GPC5: variants seen among roughly 807,000 people sequenced by gnomAD.
GPC5 encodes glypican 5, also known as glypican-5.
Under a neutral mutation model 53.9 loss-of-function variants are expected in GPC5, and 47 were observed. The ratio of observed to expected loss-of-function variants is 0.87; its 90% CI spans 0.69 to 1.11. The LOEUF is 1.11. Ranked by LOEUF, GPC5 falls within the 50% of genes most tolerant of loss-of-function variation. GPC5 has a pLI of 0.00. For synonymous variants in GPC5, 286 were observed against 263.3 expected, an observed-to-expected ratio of 1.09 and a Z score of -0.84; for missense variants, 748 against 713.1, an observed-to-expected ratio of 1.05 and a Z score of -0.56.
At position 92,771,662 on chromosome 13, in the gene GPC5, G is replaced by A. The variant is rs113671332; in HGVS notation, c.1562-94620G>A. On this transcript the variant is annotated intron_variant, in intron 7 of 7. Coordinates refer to ENST00000377067, the MANE Select transcript of GPC5 (RefSeq NM_004466.6). ...CCCGCCCTTATCCAGTTTTTCTAAG[G>A]AGTTAATTATCACAAAGATACCTCT... 6.9e-3 allele frequency among the ~76,000 whole-genome samples: 1,050 copies of A among 152,090 alleles called. 8 individuals are homozygous for A. Among genetic ancestry groups the A allele is most frequent in the African/African-American group, 0.022 (920 of 41,498 alleles).
chr13:91,718,022 C>T lies in GPC5; in HGVS notation c.1021-10510C>T, dbSNP rs146950902. Reference sequence around the variant, plus strand: ...CTTTTTCAATGTAGGATTCTTACACCCACTGATAAATGAAATGGTCAAATT... The same window carrying T: ...CTTTTTCAATGTAGGATTCTTACACTCACTGATAAATGAAATGGTCAAATT... On this transcript the variant is annotated intron_variant, in intron 3 of 7. Transcript: ENST00000377067. Among the ~76,000 whole-genome samples, 61 of 152,076 alleles carry T rather than the reference C, an allele frequency of 4.0e-4. 1 individual carries two copies. Among genetic ancestry groups the T allele is most frequent in the African/African-American group, 1.3e-3 (54 of 41,484 alleles).
chr13:91,672,372 G>A (rs1296889442), intron 2 of GPC5, among the ~76,000 whole-genome samples: 2 of 152,054 alleles, frequency 1.3e-5, no homozygotes, highest in Admixed American at 6.5e-5. Context: ...AATTTACAAG[G>A]AACTTAAACA....
At chr13:92,764,272 G>A (rs1313972334) in intron 7 of GPC5, among the ~76,000 whole-genome samples, 1 of 152,200 alleles carries the variant, frequency 6.6e-6, no homozygotes, top group Non-Finnish European at 1.5e-5. Context: ...TGGCTATCAG[G>A]CAGAGGTAGT....
chr13:92,555,340 G>A (rs557774687), intron 7 of GPC5, among the ~76,000 whole-genome samples: 9 of 151,446 alleles, frequency 5.9e-5, no homozygotes, highest in South Asian at 2.1e-4. Flanking sequence ...AGAAATCCTC[G>A]TTGAAATATA....
chr13:91,683,427 G>A (rs1394271061), intron 2 of GPC5, among the ~76,000 whole-genome samples: 1 of 152,148 alleles, frequency 6.6e-6, no homozygotes, highest in African/African-American at 2.4e-5. Flanking sequence ...TGCTACAGCA[G>A]CAACAGGAAA....
At chr13:92,519,547 GAA>G (rs1340433974) in intron 7 of GPC5, among the ~76,000 whole-genome samples, 1 of 152,218 alleles carries the variant, frequency 6.6e-6, no homozygotes, top group Non-Finnish European at 1.5e-5. Flanking sequence ...ATAATGAAAT[GAA>G]GGCAGAAATA....
At chr13:91,440,539 G>T (rs1171380358) in intron 1 of GPC5, among the ~76,000 whole-genome samples, 2 of 152,142 alleles carry the variant, frequency 1.3e-5, no homozygotes, top group African/African-American at 4.8e-5. Context: ...AGTTGTAATA[G>T]CTACTTTGAA....
Position 92,859,179 on chromosome 13 carries a change from T to C in GPC5, c.1562-7103T>C, listed in dbSNP as rs558046205. ...CAAGAGGATTGCTTGAGCCCAGGAG[T>C]TCTAGACTGCAGTGAGCTATGATGG... On this transcript the variant is annotated intron_variant, in intron 7 of 7. Transcript: ENST00000377067. Among the ~76,000 whole-genome samples the C allele has an allele frequency of 3.9e-5, 6 of 152,134 alleles. No homozygotes were observed. The East Asian group carries it at 1.2e-3, about 29-fold the overall frequency.
At chr13:91,450,396 GAT>G (rs1386767599) in intron 2 of GPC5, among the ~76,000 whole-genome samples, 1 of 152,130 alleles carries the variant, frequency 6.6e-6, no homozygotes, top group African/African-American at 2.4e-5. Flanking sequence ...CCACGCAGTG[GAT>G]ATATCAGTCT....
intron 5 of GPC5, among the ~76,000 whole-genome samples, chr13:91,879,210 C>T (rs1276002219): frequency 2.0e-5 from 3 of 152,094 alleles, no homozygotes; most frequent in African/African-American, 7.2e-5. Flanking sequence ...TATAGGTATA[C>T]AGTACCATGG....
chr13:92,396,232 T>G (rs1875263057), intron 7 of GPC5, among the ~76,000 whole-genome samples: 2 of 152,158 alleles, frequency 1.3e-5, no homozygotes, highest in East Asian at 3.9e-4. Flanking sequence ...GCTCACTGAT[T>G]CTTTCCTCAT....
At chr13:91,554,757 TC>T (rs2030848135) in intron 2 of GPC5, among the ~76,000 whole-genome samples, 1 of 152,074 alleles carries the variant, frequency 6.6e-6, no homozygotes, top group East Asian at 1.9e-4. Flanking sequence ...ATGTAACCTC[TC>T]CGTGGTGTTG....
intron 7 of GPC5, among the ~76,000 whole-genome samples, chr13:92,358,965 G>T (rs1396614949): frequency 1.3e-5 from 2 of 151,478 alleles, no homozygotes; most frequent in East Asian, 1.9e-4. Context: ...GCAAATTTCT[G>T]CAGCTGGCTT....
At chr13:91,847,044 C>A (rs2038857626) in intron 5 of GPC5, among the ~76,000 whole-genome samples, 1 of 151,480 alleles carries the variant, frequency 6.6e-6, no homozygotes, top group Non-Finnish European at 1.5e-5. Context: ...ACAGTGAAAC[C>A]CCGTCTCTAC....
At chr13:92,716,193 A>G (rs1566381048) in intron 7 of GPC5, among the ~76,000 whole-genome samples, 1 of 152,144 alleles carries the variant, frequency 6.6e-6, no homozygotes, top group Non-Finnish European at 1.5e-5. Flanking sequence ...GCTAATAATA[A>G]CAGTAACAAA....
chr13:91,875,303 A>C (rs781217827), intron 5 of GPC5, among the ~76,000 whole-genome samples: 2 of 152,180 alleles, frequency 1.3e-5, no homozygotes, highest in Non-Finnish European at 2.9e-5. Context: ...CCGTGTAGTA[A>C]CTTCTGCTTT....
intron 7 of GPC5, among the ~76,000 whole-genome samples, chr13:92,560,003 C>CT (rs1338579437): frequency 6.6e-6 from 1 of 151,438 alleles, no homozygotes; most frequent in Non-Finnish European, 1.5e-5. Context: ...TTTCTACTCC[C>CT]TTTTTCCACA....
At chr13:92,569,693 G>T (rs1249702787) in intron 7 of GPC5, among the ~76,000 whole-genome samples, 1 of 152,130 alleles carries the variant, frequency 6.6e-6, no homozygotes, top group Non-Finnish European at 1.5e-5. Flanking sequence ...TGTTTTGCAA[G>T]TCTAGTGCAC....
intron 7 of GPC5, among the ~76,000 whole-genome samples, chr13:92,670,877 G>C (rs1457806014): frequency 6.6e-6 from 1 of 152,088 alleles, no homozygotes; most frequent in African/African-American, 2.4e-5. Context: ...CAGTCCTGGA[G>C]CAGTAACATG....
Sources: allele counts gnomAD v4.1 joint callset (sites outside exome capture counted in the v4.1 genomes callset), GRCh38; gene constraint gnomAD v4.1.1; transcripts MANE v1.5; gene names NCBI Gene and HGNC (gene_info 2026-07-23, HGNC 2026-07-21).